The following KDM2B variants were observed in gnomAD, a reference collection of about 807,000 sequenced individuals.
KDM2B encodes the protein lysine demethylase 2B.
In KDM2B, 26 loss-of-function variants were observed where a neutral mutation model predicts 150.0. The ratio of observed to expected loss-of-function variants is 0.17; its 90% CI spans 0.13 to 0.24. The LOEUF (loss-of-function observed/expected upper bound fraction) is 0.24, where lower values mean the gene tolerates loss of function less well. Ranked by LOEUF, KDM2B falls within the 10% of genes least tolerant of loss-of-function variation. The pLI is 1.00. For missense variants in KDM2B, 1,265 were observed against 1,816.9 expected, an observed-to-expected ratio of 0.70 and a Z score of 5.52; for synonymous variants, 734 against 729.5, an observed-to-expected ratio of 1.01 and a Z score of -0.10.
At chr12:121,555,435 C>T (rs1466146772) in intron 4 of KDM2B, among the ~76,000 whole-genome samples, 5 of 152,130 alleles carry the variant, frequency 3.3e-5, no homozygotes, top group African/African-American at 9.7e-5. Flanking sequence ...TGCAGTGGCA[C>T]GATCTCAGCA....
Position 121,467,164 on chromosome 12 carries a change from C to G in KDM2B, c.1735-13820G>C, listed in dbSNP as rs782044561. 1 of 1,122,688 alleles carries G rather than the reference C, an allele frequency of 8.9e-7. No homozygotes were observed. The highest frequency in any genetic ancestry group is 1.7e-5 in the African/African-American group (1 of 59,472). 69.5% of individuals were successfully genotyped at this position (1,122,688 alleles called of 1,614,324 possible). On this transcript the variant is annotated intron_variant, in intron 12 of 22. Transcript: ENST00000377071. This position sits in a 1 kb window ranked among gnomAD's most constrained non-coding sequence, Gnocchi z 5.1. Reference sequence around the variant, plus strand: ...CCCACCCCGGGCCGCCGACCTGGTCCGGCTCCGATTCATAGTCGTCGTCCT... The same window carrying G: ...CCCACCCCGGGCCGCCGACCTGGTCGGGCTCCGATTCATAGTCGTCGTCCT...
At position 121,467,340 on chromosome 12, in the gene KDM2B, G is replaced by T. The variant is rs555778516; in HGVS notation, c.1735-13996C>A. On this transcript the variant is annotated intron_variant, in intron 12 of 22. Coordinates refer to ENST00000377071, the MANE Select transcript of KDM2B (RefSeq NM_032590.5). This position sits in a 1 kb window ranked among gnomAD's most constrained non-coding sequence, Gnocchi z 5.1. ...CTCGGGCTCGGGCTCCCGCTGCCGC[G>T]AGGAGGGAGCCGCGCCGCGCGCCTC... 2 of 981,814 alleles carry T rather than the reference G, an allele frequency of 2.0e-6. No homozygotes were observed. The highest frequency in any genetic ancestry group is 1.2e-4 in the East Asian group (1 of 8,660). The allele number at this position is 981,814 out of a possible 1,614,324, so 60.8% of individuals were successfully genotyped here.
intron 11 of KDM2B, among the ~76,000 whole-genome samples, chr12:121,501,491 C>G (rs1487988775): frequency 6.6e-6 from 1 of 152,178 alleles, no homozygotes; most frequent in African/African-American, 2.4e-5. Flanking sequence ...CTGCCAGAAA[C>G]CAGAGGAGGC....
chr12:121,494,562 G>C lies in KDM2B; in HGVS notation c.1734+17C>G. ...AGGTGGGAAGCGGCCGCCCGCTGCA[G>C]GCAGGCTGCGTCTTACCTTTGGAGT... is the stretch of plus-strand genomic sequence containing the variant. On this transcript the variant is annotated intron_variant, in intron 12 of 22. Transcript: ENST00000377071. 2 of 1,605,538 alleles carry C rather than the reference G, an allele frequency of 1.2e-6. No homozygotes were observed. Among genetic ancestry groups the C allele is most frequent in the Non-Finnish European group, 1.7e-6 (2 of 1,174,102 alleles).
chr12:121,491,118 G>A (rs940997428), intron 12 of KDM2B, among the ~76,000 whole-genome samples: 5 of 152,086 alleles, frequency 3.3e-5, no homozygotes, highest in Non-Finnish European at 7.4e-5. Context: ...AAACATAGCA[G>A]GGGCCTCCCT....
intron 12 of KDM2B, among the ~76,000 whole-genome samples, chr12:121,491,928 C>T (rs561392784): frequency 2.0e-5 from 3 of 152,192 alleles, no homozygotes; most frequent in South Asian, 4.1e-4. Context: ...TTTGGGAGAC[C>T]GAGGCAGGCG....
In KDM2B at chr12:121,467,088, G is replaced by C; in HGVS notation, c.1735-13744C>G. The C allele has an allele frequency of 2.1e-6, 2 of 950,780 alleles. No individual in the cohort carries two copies. The highest frequency in any genetic ancestry group is 5.1e-5 in the Admixed American group (1 of 19,426). 58.9% of individuals were successfully genotyped at this position (950,780 alleles called of 1,614,324 possible). A position where few individuals can be genotyped will look rare whatever the true frequency, so the allele number is the denominator to read the frequency against. Reference sequence around the variant, plus strand: ...CGGCGGCGGCGTCGCGGCCGCCCTCGGCGCGTCAGACAGGCGGTCGGGAGG... The same window carrying C: ...CGGCGGCGGCGTCGCGGCCGCCCTCCGCGCGTCAGACAGGCGGTCGGGAGG... On this transcript the variant is annotated intron_variant, in intron 12 of 22. Transcript: ENST00000377071. The surrounding 1 kb of genome is among the most constrained non-coding windows in gnomAD (Gnocchi z 5.1).
intron 12 of KDM2B, chr12:121,494,143 C>G (rs1566335565): frequency 6.1e-6 from 1 of 165,070 alleles, no homozygotes; most frequent in Non-Finnish European, 1.3e-5. Flanking sequence ...TGGCGTGAGC[C>G]ACCGCGCTCG....
chr12:121,491,200 A>G (rs578141160), intron 12 of KDM2B, among the ~76,000 whole-genome samples: 1 of 152,296 alleles, frequency 6.6e-6, no homozygotes, highest in African/African-American at 2.4e-5. Context: ...CTGGGGTCCA[A>G]CGCCTTTCTT....
chr12:121,443,981 C>T, intron 16 of KDM2B, 31 bp downstream of exon 16: 1 of 1,579,932 alleles, frequency 6.3e-7, no homozygotes, highest in Non-Finnish European at 8.6e-7. Flanking sequence ...CAGACCAACC[C>T]CTTTGCCTCC....
downstream of KDM2B, among the ~76,000 whole-genome samples, chr12:121,428,279 G>A (rs117704912): frequency 0.018 from 2,771 of 152,024 alleles, 66 homozygotes; most frequent in African/African-American, 0.058. Context: ...TGCAACCTCC[G>A]TGTCCTGGGT....
chr12:121,446,203 G>A (rs1161854355), intron 13 of KDM2B, among the ~76,000 whole-genome samples: 14 of 152,192 alleles, frequency 9.2e-5, no homozygotes, highest in South Asian at 2.1e-4. Flanking sequence ...AGACCATCCC[G>A]GCTACCACGG....
At chr12:121,511,356 G>A (rs1336723264) in intron 10 of KDM2B, among the ~76,000 whole-genome samples, 3 of 135,746 alleles carry the variant, frequency 2.2e-5, no homozygotes, top group South Asian at 2.3e-4. Context: ...GCGCGATCTC[G>A]GCACACCGCA....
chr12:121,545,745 A>G (rs782397037), intron 6 of KDM2B, among the ~76,000 whole-genome samples: 5 of 151,994 alleles, frequency 3.3e-5, no homozygotes, highest in Non-Finnish European at 5.9e-5. Flanking sequence ...ACCTGAACAC[A>G]TTTCTCTCTG....
intron 11 of KDM2B, among the ~76,000 whole-genome samples, chr12:121,507,770 G>A (rs1052224048): frequency 2.0e-5 from 3 of 152,140 alleles, no homozygotes; most frequent in Non-Finnish European, 4.4e-5. Context: ...CAGCACCTTG[G>A]GAAGCTGAGG....
intron 4 of KDM2B, among the ~76,000 whole-genome samples, chr12:121,558,463 T>TC (rs1363745514): frequency 6.6e-6 from 1 of 150,422 alleles, no homozygotes; most frequent in Non-Finnish European, 1.5e-5. Flanking sequence ...TTCTTTTTTT[T>TC]TTTTTTTTGA....
chr12:121,457,387 G>A (rs1027763813), intron 12 of KDM2B, among the ~76,000 whole-genome samples: 6 of 151,770 alleles, frequency 4.0e-5, no homozygotes, highest in South Asian at 2.1e-4. Context: ...TCAGCCTCCC[G>A]AATAGCTGGA....
the KDM2B span, chr12:121,416,547 T>C: frequency 1.7e-6 from 1 of 578,102 alleles, no homozygotes; most frequent in Non-Finnish European, 3.1e-6. Context: ...ATTATATTAC[T>C]GCTCAAGTTT....
At chr12:121,483,329 G>C (rs567753410) in intron 12 of KDM2B, among the ~76,000 whole-genome samples, 5 of 151,942 alleles carry the variant, frequency 3.3e-5, no homozygotes, top group African/African-American at 1.2e-4. Context: ...GATGCTAGTG[G>C]AGGCTCCGTT....
Sources: allele counts gnomAD v4.1 joint callset (sites outside exome capture counted in the v4.1 genomes callset), GRCh38; gene constraint gnomAD v4.1.1; non-coding constraint Gnocchi (gnomAD v3.1); transcripts MANE v1.5; gene names NCBI Gene and HGNC (gene_info 2026-07-23, HGNC 2026-07-21).